The following MAP2K5 variants were observed in gnomAD, a reference collection of about 807,000 sequenced individuals.
The protein encoded by MAP2K5 is dual specificity mitogen-activated protein kinase kinase 5.
MAP2K5 carries 49 observed loss-of-function variants against 83.1 expected under a neutral mutation model. That is an observed-to-expected ratio of 0.59 (90% CI 0.47 to 0.75). MAP2K5 has a LOEUF of 0.75. Ranked by LOEUF, MAP2K5 falls within the 30% of genes least tolerant of loss-of-function variation. MAP2K5 has a pLI of 0.00. For synonymous variants in MAP2K5, 202 were observed against 191.8 expected, an observed-to-expected ratio of 1.05 and a Z score of -0.44; for missense variants, 457 against 557.5, an observed-to-expected ratio of 0.82 and a Z score of 1.82.
intron 21 of MAP2K5, among the ~76,000 whole-genome samples, chr15:67,772,955 G>A (rs1429662652): frequency 6.6e-6 from 1 of 152,132 alleles, no homozygotes; most frequent in South Asian, 2.1e-4. Flanking sequence ...CTTTTTGAAA[G>A]TTAATGCAGA....
In MAP2K5 at chr15:67,570,210, AG is replaced by A. The variant is rs1275953156; in HGVS notation, c.252+6861del. On this transcript the variant is annotated intron_variant, in intron 3 of 21. Transcript: ENST00000178640. ...ATGAAGGCCATCTGGGGCTCCTTAAAGTCCTTTATGGTTTTAACCAAATGGT... is the reference window on the plus strand; with the variant it reads ...ATGAAGGCCATCTGGGGCTCCTTAAATCCTTTATGGTTTTAACCAAATGGT... Among the ~76,000 whole-genome samples, 3 of 152,248 alleles carry A rather than the reference AG, an allele frequency of 2.0e-5. No individual in the cohort carries two copies. In the East Asian group the frequency reaches 5.8e-4, roughly 29 times the overall value.
chr15:67,588,564 C>A (rs971795855), intron 6 of MAP2K5, among the ~76,000 whole-genome samples: 13 of 152,236 alleles, frequency 8.5e-5, no homozygotes, highest in Admixed American at 5.9e-4. Context: ...TTCCAATTCC[C>A]AGCATGATGC....
At chr15:67,791,998 A>G (rs1179573304) in intron 21 of MAP2K5, among the ~76,000 whole-genome samples, 1 of 152,228 alleles carries the variant, frequency 6.6e-6, no homozygotes, top group African/African-American at 2.4e-5. Context: ...CTACCTCTTC[A>G]TAACGACAGA....
chr15:67,691,713 G>T lies in MAP2K5; in HGVS notation c.848-766G>T, dbSNP rs540767412. ...TTGGGCTCCCTGAATTCCTGAAAAGGCTCATTGTTGTCACTGACGATGCTT... is the reference window on the plus strand; with the variant it reads ...TTGGGCTCCCTGAATTCCTGAAAAGTCTCATTGTTGTCACTGACGATGCTT... On this transcript the variant is annotated intron_variant, in intron 13 of 21. Coordinates refer to ENST00000178640, the MANE Select transcript of MAP2K5 (RefSeq NM_145160.3). Among the ~76,000 whole-genome samples the T allele has an allele frequency of 3.3e-5, 5 of 152,220 alleles. No homozygotes were observed. The East Asian group carries it at 9.7e-4, about 29-fold the overall frequency.
At position 67,807,080 on chromosome 15, in the gene MAP2K5, A is replaced by G. The variant is rs2090827096; in HGVS notation, c.*330A>G. 1 of 721,862 alleles carries G rather than the reference A, an allele frequency of 1.4e-6. No individual in the cohort carries two copies. Among genetic ancestry groups the G allele is most frequent in the Non-Finnish European group, 2.0e-6 (1 of 491,528 alleles). 44.7% of individuals were successfully genotyped at this position (721,862 alleles called of 1,614,324 possible). Reference sequence around the variant, plus strand: ...ATAAAGGGTCAGGCCCGTCAGCATCACTGATGGGAATAAAAGTATTAATGC... The same window carrying G: ...ATAAAGGGTCAGGCCCGTCAGCATCGCTGATGGGAATAAAAGTATTAATGC... On this transcript the variant is annotated 3_prime_UTR_variant, in exon 22 of 22. Coordinates refer to ENST00000178640, the MANE Select transcript of MAP2K5 (RefSeq NM_145160.3). This position sits in a 1 kb window ranked among gnomAD's most constrained non-coding sequence, Gnocchi z 5.1.
In MAP2K5 at chr15:67,585,887, C is replaced by CA. The variant is rs1338263419; in HGVS notation, c.323-2dup. 6.2e-7 allele frequency: 1 copy of CA among 1,613,644 alleles called. No homozygotes were observed. Among genetic ancestry groups the CA allele is most frequent in the Admixed American group, 1.7e-5 (1 of 60,018 alleles). On this transcript the variant is annotated splice_polypyrimidine_tract_variant and splice_region_variant and intron_variant, in intron 4 of 21. Coordinates refer to ENST00000178640, the MANE Select transcript of MAP2K5 (RefSeq NM_145160.3). ...TCTACAATTTAGTCAATTACTGTTT[C>CA]AGCCTGCAAGCCTCCTGGGGAACGG...
At chr15:67,661,284 C>T (rs1380878986) in intron 12 of MAP2K5, among the ~76,000 whole-genome samples, 1 of 152,094 alleles carries the variant, frequency 6.6e-6, no homozygotes, top group Non-Finnish European at 1.5e-5. Flanking sequence ...CTGCCTTTCC[C>T]TGCCACCTAA....
chr15:67,704,296 C>T (rs1318818303), intron 16 of MAP2K5, among the ~76,000 whole-genome samples: 2 of 152,134 alleles, frequency 1.3e-5, no homozygotes, highest in Non-Finnish European at 2.9e-5. Context: ...TGCCATATTG[C>T]CTGGGCTGGT....
chr15:67,698,194 AT>A lies in MAP2K5; in HGVS notation c.972+4636del, dbSNP rs944714242. On this transcript the variant is annotated intron_variant, in intron 15 of 21. Transcript: ENST00000178640. The surrounding 1 kb of genome is among the most constrained non-coding windows in gnomAD (Gnocchi z 4.5). ...ATTAACCATTTTTCAGAAATTCTTTATTTTTTTTTTCTTGAGATGAAGTCTC... is the reference window on the plus strand; with the variant it reads ...ATTAACCATTTTTCAGAAATTCTTTATTTTTTTTTCTTGAGATGAAGTCTC... Among the ~76,000 whole-genome samples, 5 of 149,426 alleles carry A rather than the reference AT, an allele frequency of 3.3e-5. No homozygotes were observed. The highest frequency in any genetic ancestry group is 2.1e-4 in the South Asian group (1 of 4,708).
At chr15:67,604,970 A>G (rs1170669103) in intron 8 of MAP2K5, among the ~76,000 whole-genome samples, 3 of 152,168 alleles carry the variant, frequency 2.0e-5, no homozygotes, top group Non-Finnish European at 4.4e-5. Context: ...CACTTATTAA[A>G]TGTTAACTAC....
intron 19 of MAP2K5, among the ~76,000 whole-genome samples, chr15:67,752,422 G>A (rs975749344): frequency 5.3e-5 from 8 of 151,394 alleles, no homozygotes; most frequent in African/African-American, 9.7e-5. Flanking sequence ...GCTCACGCCT[G>A]TAATTCCAGC....
intron 17 of MAP2K5, among the ~76,000 whole-genome samples, chr15:67,739,287 A>C (rs2089415698): frequency 6.6e-6 from 1 of 150,478 alleles, no homozygotes; most frequent in African/African-American, 2.4e-5. Context: ...CTCAAAAAAA[A>C]AAAAAAAAAG....
At chr15:67,594,642 T>C (rs115042879) in intron 7 of MAP2K5, among the ~76,000 whole-genome samples, 2,552 of 152,304 alleles carry the variant, frequency 0.017, 79 homozygotes, top group African/African-American at 0.058. Context: ...CTTAGTGGCT[T>C]CAGTTATGAG....
chr15:67,628,487 AT>A, intron 8 of MAP2K5: 1 of 662,902 alleles, frequency 1.5e-6, no homozygotes, highest in Non-Finnish European at 2.6e-6. Context: ...CTAAAAAAAA[AT>A]AAAAATAAAA....
rs1267149842 is a variant in MAP2K5, at chr15:67,781,741, C to T, written c.1242+8989C>T. 6.6e-6 allele frequency among the ~76,000 whole-genome samples: 1 copy of T among 152,074 alleles called. No homozygotes were observed. The highest frequency in any genetic ancestry group is 2.1e-4 in the South Asian group (1 of 4,820). On this transcript the variant is annotated intron_variant, in intron 21 of 21. Transcript: ENST00000178640. The surrounding 1 kb of genome is among the most constrained non-coding windows in gnomAD (Gnocchi z 4.0). ...GAAAATGGAATTTTCAAATGTAACC[C>T]GATTGACTCTTAATTGTTAGCCTGT... is the stretch of plus-strand genomic sequence containing the variant.
intron 7 of MAP2K5, among the ~76,000 whole-genome samples, chr15:67,599,804 C>T (rs1043695623): frequency 6.6e-6 from 1 of 151,788 alleles, no homozygotes; most frequent in African/African-American, 2.4e-5. Context: ...AGCATCTGGA[C>T]CAGTGTGTAG....
chr15:67,577,187 G>A lies in MAP2K5; in HGVS notation c.253-3567G>A, dbSNP rs1053262271. 5.3e-5 allele frequency among the ~76,000 whole-genome samples: 8 copies of A among 151,788 alleles called. No homozygotes were observed. Among genetic ancestry groups the A allele is most frequent in the African/African-American group, 1.5e-4 (6 of 41,306 alleles). On this transcript the variant is annotated intron_variant, in intron 3 of 21. Transcript: ENST00000178640. This position sits in a 1 kb window ranked among gnomAD's most constrained non-coding sequence, Gnocchi z 4.1. ...CCTGACCTCATGATCCACCCGCCTC[G>A]GCCTCCCAAAGTGCTGGGATTACAG... is the stretch of plus-strand genomic sequence containing the variant.
At chr15:67,759,395 CA>C (rs201457162) in intron 19 of MAP2K5, among the ~76,000 whole-genome samples, 3 of 147,822 alleles carry the variant, frequency 2.0e-5, no homozygotes, top group East Asian at 2.0e-4. Context: ...CCGATCTCTA[CA>C]AAAAAAAACA....
intron 20 of MAP2K5, among the ~76,000 whole-genome samples, chr15:67,772,427 T>C (rs1244794081): frequency 6.6e-6 from 1 of 152,100 alleles, no homozygotes; most frequent in Admixed American, 6.5e-5. Context: ...TTAGGATACA[T>C]TTAATTTAAA....
Sources: gnomAD v4.1 joint callset for allele counts (sites outside exome capture counted in the v4.1 genomes callset) on GRCh38, gnomAD v4.1.1 for gene constraint, Gnocchi (gnomAD v3.1) non-coding constraint, MANE v1.5 for transcripts, NCBI Gene and HGNC (gene_info 2026-07-23, HGNC 2026-07-21) for gene names.